RANBP2: variants seen among roughly 807,000 people sequenced by gnomAD.
The protein encoded by RANBP2 is E3 SUMO-protein ligase RanBP2.
RANBP2 carries 57 observed loss-of-function variants against 303.6 expected under a neutral mutation model. The ratio of observed to expected loss-of-function variants is 0.19; its 90% CI spans 0.15 to 0.23. The LOEUF is 0.23. RANBP2 is among the 10% of genes least tolerant of loss of function. The probability of loss-of-function intolerance (pLI) is 1.00; values close to 1 mark genes in which losing one functional copy is unlikely to be tolerated. For synonymous variants in RANBP2, 1,167 were observed against 1,301.5 expected (o/e 0.90, Z 2.23); for missense variants, 3,138 against 3,780.8 (o/e 0.83, Z 4.46).
chr2:109,519,789 C>T, the RANBP2 span, among the ~76,000 whole-genome samples: 2 of 152,346 alleles, frequency 1.3e-5, no homozygotes, highest in Admixed American at 6.5e-5. Context: ...CTATTGCCTG[C>T]TCTTGTTGCT....
At chr2:109,567,841 T>C in the RANBP2 span, 11 of 1,610,038 alleles carry the variant, frequency 6.8e-6, no homozygotes, top group East Asian at 2.2e-5. Context: ...ACCTTAGCAA[T>C]AGTGTCATCA....
At chr2:108,978,984 G>C in the RANBP2 span, among the ~76,000 whole-genome samples, 1 of 152,226 alleles carries the variant, frequency 6.6e-6, no homozygotes, top group Non-Finnish European at 1.5e-5. Flanking sequence ...AGGGGCAGGA[G>C]GGGGTGTAGT....
the RANBP2 span, among the ~76,000 whole-genome samples, chr2:109,179,036 T>TGC: frequency 6.6e-6 from 1 of 151,754 alleles, no homozygotes; most frequent in African/African-American, 2.4e-5. Context: ...TGTGTGTGTG[T>TGC]ATTTTTAAAC....
intron 12 of RANBP2, among the ~76,000 whole-genome samples, chr2:108,752,731 T>A (rs1282004875): frequency 6.6e-6 from 1 of 151,230 alleles, no homozygotes; most frequent in Admixed American, 6.6e-5. Context: ...AGGCGGAGCT[T>A]GCAGTGAGCC....
the RANBP2 span, chr2:108,798,543 G>T: frequency 3.1e-6 from 5 of 1,613,648 alleles, no homozygotes; most frequent in Non-Finnish European, 4.2e-6. Flanking sequence ...AAAATTAAAG[G>T]TGTTGAAGAA....
the RANBP2 span, among the ~76,000 whole-genome samples, chr2:109,439,903 G>A: frequency 6.6e-6 from 1 of 152,194 alleles, no homozygotes; most frequent in Non-Finnish European, 1.5e-5. Flanking sequence ...TAGGTATTAA[G>A]AGAGTGTGGA....
At chr2:108,808,475 A>G in the RANBP2 span, among the ~76,000 whole-genome samples, 1 of 152,098 alleles carries the variant, frequency 6.6e-6, no homozygotes, top group Non-Finnish European at 1.5e-5. Context: ...TTATATCCCC[A>G]CCAACAATGT....
chr2:109,422,111 A>G, the RANBP2 span, among the ~76,000 whole-genome samples: 2 of 152,290 alleles, frequency 1.3e-5, no homozygotes, highest in Non-Finnish European at 2.9e-5. Flanking sequence ...TGATCTAACC[A>G]TTCTTCCCAA....
At chr2:109,105,570 T>G in the RANBP2 span, among the ~76,000 whole-genome samples, 3 of 152,230 alleles carry the variant, frequency 2.0e-5, no homozygotes, top group Admixed American at 2.0e-4. Context: ...TCCTTTTCTT[T>G]TTAAGATGAA....
the RANBP2 span, among the ~76,000 whole-genome samples, chr2:109,500,634 A>G: frequency 2.0e-5 from 3 of 152,162 alleles, no homozygotes; most frequent in African/African-American, 7.2e-5. Context: ...AAAAAATCTT[A>G]TGATTTTTGG....
At chr2:109,228,870 A>G in the RANBP2 span, among the ~76,000 whole-genome samples, 3 of 152,128 alleles carry the variant, frequency 2.0e-5, no homozygotes, top group African/African-American at 7.2e-5. Context: ...TTCTTCACAC[A>G]GGCATGATTG....
the RANBP2 span, among the ~76,000 whole-genome samples, chr2:109,117,018 G>C: frequency 9.4e-4 from 143 of 152,300 alleles, 1 homozygote; most frequent in African/African-American, 3.4e-3. Flanking sequence ...GTACCCGGCC[G>C]TGTGAGGTGT....
At chr2:109,503,361 T>C in the RANBP2 span, 1 of 152,170 alleles carries the variant, frequency 6.6e-6, no homozygotes, top group Non-Finnish European at 1.5e-5. Context: ...GGGCCGCTTA[T>C]TTTCAGAGTT....
At chr2:108,950,473 T>C in the RANBP2 span, among the ~76,000 whole-genome samples, 2 of 152,160 alleles carry the variant, frequency 1.3e-5, no homozygotes, top group Admixed American at 6.5e-5. Flanking sequence ...TAAGGGCCGA[T>C]GGTGTTTAAC....
the RANBP2 span, among the ~76,000 whole-genome samples, chr2:108,863,950 A>G: frequency 5.3e-5 from 8 of 152,278 alleles, no homozygotes; most frequent in East Asian, 1.9e-4. Context: ...TAAAAGTTAC[A>G]TAATCACTTT....
the RANBP2 span, among the ~76,000 whole-genome samples, chr2:109,256,788 G>T: frequency 6.6e-6 from 1 of 152,216 alleles, no homozygotes; most frequent in Non-Finnish European, 1.5e-5. Flanking sequence ...AGTGAAGTGG[G>T]ATTTTTATTT....
chr2:109,396,503 C>T, the RANBP2 span, among the ~76,000 whole-genome samples: 1 of 152,230 alleles, frequency 6.6e-6, no homozygotes, highest in African/African-American at 2.4e-5. Context: ...CACGGAGCAG[C>T]CCTGTGATGG....
chr2:109,120,737 C>T, the RANBP2 span, among the ~76,000 whole-genome samples: 1 of 150,936 alleles, frequency 6.6e-6, no homozygotes, highest in African/African-American at 2.4e-5. Context: ...ACTGACTCAC[C>T]ACCGCTCAGC....
chr2:108,946,112 G>T, the RANBP2 span, among the ~76,000 whole-genome samples: 1 of 152,196 alleles, frequency 6.6e-6, no homozygotes, highest in Non-Finnish European at 1.5e-5. Flanking sequence ...GGACACACCA[G>T]CCCCTCCTCC....
Sources: gnomAD v4.1 joint callset for allele counts (sites outside exome capture counted in the v4.1 genomes callset) on GRCh38, gnomAD v4.1.1 for gene constraint, MANE v1.5 for transcripts, NCBI Gene and HGNC (gene_info 2026-07-23, HGNC 2026-07-21) for gene names.